TNIP2: variants seen among roughly 807,000 people sequenced by gnomAD.
TNIP2 encodes TNFAIP3 interacting protein 2.
In TNIP2, 30 loss-of-function variants were observed where a neutral mutation model predicts 43.7. The observed-to-expected ratio is 0.69, with a 90% CI of 0.51 to 0.93. The LOEUF (loss-of-function observed/expected upper bound fraction) is 0.93, where lower values mean the gene tolerates loss of function less well. TNIP2 is among the 40% of genes least tolerant of loss of function. TNIP2 has a pLI of 0.00. For synonymous variants in TNIP2, 260 were observed against 254.6 expected (o/e 1.02, Z -0.20); for missense variants, 599 against 591.0 (o/e 1.01, Z -0.14).
Position 2,742,480 on chromosome 4 carries a change from C to T in TNIP2, c.1067G>A (p.Ser356Asn). Reference sequence around the variant, plus strand: ...GGCGGCCAAATACTTGGCAGTTTTGCTCCCAGCGTGAATCCGGCCGGCGTC... The same window carrying T: ...GGCGGCCAAATACTTGGCAGTTTTGTTCCCAGCGTGAATCCGGCCGGCGTC... ...EPDAGRIHAGSKTAKYLAADA... is the reference protein window; with the variant it reads ...EPDAGRIHAGNKTAKYLAADA... Residue 356 changes from serine to asparagine, a missense_variant, in exon 6 of 6, where the codon AGC (serine) becomes AAC (asparagine). Coordinates refer to ENST00000315423, the MANE Select transcript of TNIP2 (RefSeq NM_024309.4). 6.2e-7 allele frequency: 1 copy of T among 1,605,106 alleles called. No homozygotes were observed. The highest frequency in any genetic ancestry group is 8.5e-7 in the Non-Finnish European group (1 of 1,174,120).
rs71644358 is a variant in TNIP2, at chr4:2,750,397, GATTATTATTATT to G, written c.277-2464_277-2453del. Among the ~76,000 whole-genome samples the G allele has an allele frequency of 2.2e-4, 32 of 145,646 alleles. 1 individual carries two copies. The highest frequency in any genetic ancestry group is 4.1e-4 in the Admixed American group (6 of 14,614). On this transcript the variant is annotated intron_variant, in intron 1 of 5. Transcript: ENST00000315423. ...TAAGCCCTATTACTGCGAGAACCCTGATTATTATTATTATTATTATTATTATTATTATTATTT... is the reference window on the plus strand; with the variant it reads ...TAAGCCCTATTACTGCGAGAACCCTGATTATTATTATTATTATTATTATTT...
chr4:2,749,165 C>T (rs185617995), intron 1 of TNIP2, among the ~76,000 whole-genome samples: 1 of 152,138 alleles, frequency 6.6e-6, no homozygotes, highest in Non-Finnish European at 1.5e-5. Flanking sequence ...ATGAGGGTTT[C>T]GCTATATATA....
chr4:2,746,547 G>A (rs753123098), intron 2 of TNIP2, among the ~76,000 whole-genome samples: 4 of 152,202 alleles, frequency 2.6e-5, no homozygotes, highest in East Asian at 1.9e-4. Context: ...GAGGTTCCCC[G>A]CCTGGAATCC....
chr4:2,755,812 T>G, intron 1 of TNIP2: 2 of 223,916 alleles, frequency 8.9e-6, no homozygotes, highest in Non-Finnish European at 1.1e-5. Context: ...CGGGGCCCCC[T>G]CACCCCCAGG....
intron 1 of TNIP2, among the ~76,000 whole-genome samples, chr4:2,753,590 T>A (rs1443011123): frequency 6.6e-6 from 1 of 152,236 alleles, no homozygotes; most frequent in Non-Finnish European, 1.5e-5. Context: ...AGTGGCCAGA[T>A]ACACAGGACA....
chr4:2,753,109 C>T, intron 1 of TNIP2, among the ~76,000 whole-genome samples: 1 of 152,044 alleles, frequency 6.6e-6, no homozygotes. Context: ...AACAAACAAA[C>T]AAAACTAAAT....
In TNIP2 at chr4:2,744,361, G is replaced by T. The variant is rs1194284696; in HGVS notation, c.1026+26C>A. ...GAAACAAAAACACTAAACCTAAGCA[G>T]GAAGAAAAACGCCCTCATACTCTAC... On this transcript the variant is annotated intron_variant, in intron 5 of 5. Transcript: ENST00000315423. This position sits in a 1 kb window ranked among gnomAD's most constrained non-coding sequence, Gnocchi z 5.1. 1 of 1,613,884 alleles carries T rather than the reference G, an allele frequency of 6.2e-7. No homozygotes were observed. Among genetic ancestry groups the T allele is most frequent in the South Asian group, 1.1e-5 (1 of 91,058 alleles).
chr4:2,755,731 TGTCCCTCAACCCCAGGACCCGGC>T, intron 1 of TNIP2, among the ~76,000 whole-genome samples: 1 of 764 alleles, frequency 1.3e-3, no homozygotes, highest in African/African-American at 4.5e-3. Flanking sequence ...CAGGACCTAG[TGTCCCTCAACCCCAGGACCCGGC>T]ACCCCCTCAA....
At chr4:2,743,915 C>T (rs1721863338) in intron 5 of TNIP2, among the ~76,000 whole-genome samples, 1 of 152,196 alleles carries the variant, frequency 6.6e-6, no homozygotes, top group African/African-American at 2.4e-5. Flanking sequence ...GTAGGAAAAG[C>T]ACTGAGCCCA....
Position 2,747,797 on chromosome 4 carries a change from A to G in TNIP2, c.425T>C (p.Val142Ala). 6.2e-7 allele frequency: 1 copy of G among 1,612,724 alleles called. No individual in the cohort carries two copies. Residue 142 changes from valine (V) to alanine (A), a missense_variant, in exon 2 of 6, where the codon GTC becomes GCC. Physicochemically the swap from Val to Ala is moderately conservative, Grantham distance 64. Transcript: ENST00000315423. ...EGERARAASD[V>A]LCRSLANETH... ...CTCGTTGGCCAAGGAGCGGCACAGG[A>G]CGTCACTGGCGGCCCGGGCGCGCTC...
chr4:2,748,368 A>T (rs1303416902), intron 1 of TNIP2, among the ~76,000 whole-genome samples: 8 of 150,336 alleles, frequency 5.3e-5, no homozygotes, highest in African/African-American at 2.0e-4. Flanking sequence ...TTTGAGACGG[A>T]GTCTCGCTCT....
intron 5 of TNIP2, among the ~76,000 whole-genome samples, chr4:2,742,880 G>A (rs1206359377): frequency 2.0e-5 from 3 of 152,174 alleles, no homozygotes; most frequent in African/African-American, 7.2e-5. Flanking sequence ...GCCTCTGGTG[G>A]GGAGCTGGGC....
intron 1 of TNIP2, among the ~76,000 whole-genome samples, chr4:2,753,619 CG>C (rs1409703571): frequency 6.6e-6 from 1 of 152,110 alleles, no homozygotes; most frequent in Non-Finnish European, 1.5e-5. Context: ...CACATGTGAG[CG>C]GAACACCAAT....
At position 2,750,275 on chromosome 4, in the gene TNIP2, G is replaced by A. The variant is rs574158287; in HGVS notation, c.277-2330C>T. 4.6e-5 allele frequency among the ~76,000 whole-genome samples: 7 copies of A among 152,210 alleles called. No individual in the cohort carries two copies. The South Asian group carries it at 8.3e-4, about 18-fold the overall frequency. ...AGGAGCCCAAGCTTCCCCCAGAAGT[G>A]GCGGGAGAAGGGTCCAGCCTCTGTG... On this transcript the variant is annotated intron_variant, in intron 1 of 5. Transcript: ENST00000315423.
intron 1 of TNIP2, among the ~76,000 whole-genome samples, chr4:2,750,213 T>A (rs952333153): frequency 6.6e-6 from 1 of 152,044 alleles, no homozygotes; most frequent in African/African-American, 2.4e-5. Context: ...AACTAGTCCA[T>A]CCCACAAGTG....
At position 2,744,784 on chromosome 4, in the gene TNIP2, AT is replaced by A; in HGVS notation, c.818del (p.Asn273MetfsTer6). ...GCTCCTGCTTCACTTCGGCACAGTC[AT>A]TTATTTTCTCTTCCAACTGTCTGTT... ...RLNRQLEEKI[N>X]DCAEVKQELA... On this transcript the variant is annotated frameshift_variant, in exon 4 of 6. Transcript: ENST00000315423. LOFTEE classifies it high-confidence loss of function. This position sits in a 1 kb window ranked among gnomAD's most constrained non-coding sequence, Gnocchi z 5.1. 6.2e-7 allele frequency: 1 copy of A among 1,612,470 alleles called. No homozygotes were observed.
At chr4:2,743,700 G>A (rs1721857009) in intron 5 of TNIP2, among the ~76,000 whole-genome samples, 1 of 152,236 alleles carries the variant, frequency 6.6e-6, no homozygotes, top group African/African-American at 2.4e-5. Context: ...TGTTCAGTCT[G>A]TGCCAGGAGA....
chr4:2,747,504 G>T, intron 2 of TNIP2, 151 bp downstream of exon 2: 2 of 773,094 alleles, frequency 2.6e-6, no homozygotes, highest in Non-Finnish European at 2.1e-6. Flanking sequence ...GAAACCCTTG[G>T]ATGAGTGAGC....
intron 5 of TNIP2, among the ~76,000 whole-genome samples, chr4:2,743,483 A>G (rs1046290765): frequency 6.6e-6 from 1 of 152,186 alleles, no homozygotes; most frequent in Non-Finnish European, 1.5e-5. Context: ...CTGCAGACTT[A>G]GTCCCAGGGT....
Sources: allele counts gnomAD v4.1 joint callset (sites outside exome capture counted in the v4.1 genomes callset), GRCh38; gene constraint gnomAD v4.1.1; non-coding constraint Gnocchi (gnomAD v3.1); transcripts MANE v1.5; gene names NCBI Gene and HGNC (gene_info 2026-07-23, HGNC 2026-07-21).